The following ZCCHC2 variants were observed in gnomAD, a reference collection of about 807,000 sequenced individuals.
The protein encoded by ZCCHC2 is zinc finger CCHC-type containing 2.
A neutral mutation model predicts 103.6 loss-of-function variants in ZCCHC2; 39 were observed. That is an observed-to-expected ratio of 0.38 (90% CI 0.29 to 0.49). The LOEUF is 0.49. Among genes scored for constraint, ZCCHC2 ranks in the 20% least tolerant of loss-of-function variants. The probability of loss-of-function intolerance (pLI) is 0.96; values close to 1 mark genes in which losing one functional copy is unlikely to be tolerated. For synonymous variants in ZCCHC2, 687 were observed against 608.9 expected (o/e 1.13, Z -1.89); for missense variants, 1,483 against 1,491.0 (o/e 0.99, Z 0.09).
intron 12 of ZCCHC2, among the ~76,000 whole-genome samples, chr18:62,573,414 T>G (rs946728035): frequency 6.6e-6 from 1 of 152,200 alleles, no homozygotes; most frequent in Non-Finnish European, 1.5e-5. Context: ...ATTTGCTGTT[T>G]TGCTGTTTTG....
chr18:62,561,769 C>T (rs1370895485), intron 8 of ZCCHC2, among the ~76,000 whole-genome samples: 7 of 152,190 alleles, frequency 4.6e-5, no homozygotes, highest in Admixed American at 2.0e-4. Flanking sequence ...GAAGATAATA[C>T]GCATTTCCCT....
At chr18:62,542,609 G>C (rs368345440) in intron 3 of ZCCHC2, 35 bp downstream of exon 3, 1 of 1,518,496 alleles carries the variant, frequency 6.6e-7, no homozygotes, top group Admixed American at 2.0e-5. Context: ...TACCTCACGT[G>C]CTGTGCTCAA....
rs780540778 is a variant in ZCCHC2, at chr18:62,550,371, G to A, written c.1224G>A (p.Glu408=). 3.7e-6 allele frequency: 6 copies of A among 1,613,722 alleles called. 1 individual carries two copies. In the South Asian group the frequency reaches 6.6e-5, roughly 18 times the overall value. Residue 408 remains glutamate, a synonymous_variant, in exon 5 of 14, where the codon GAG becomes GAA. Transcript: ENST00000269499. ...AGCTTCCAAAGGAACTGTCTTCAGA[G>A]ACTTTTGACAAGACCATCTTAAGAG... ...LLKLPKELSS[E]TFDKTILRAL... is the part of the protein sequence containing the mutation.
At chr18:62,581,951 G>GGA (rs941143601), downstream of ZCCHC2, 3 of 158,508 alleles carry the variant, frequency 1.9e-5, no homozygotes, top group African/African-American at 7.2e-5. Flanking sequence ...GCCCCAGAGT[G>GGA]GAGAGTCACC....
At chr18:62,527,429 A>G (rs1914481417) in intron 1 of ZCCHC2, among the ~76,000 whole-genome samples, 1 of 152,192 alleles carries the variant, frequency 6.6e-6, no homozygotes, top group Non-Finnish European at 1.5e-5. Flanking sequence ...TTGCCGGTAG[A>G]ATATATACTT....
chr18:62,537,658 A>G (rs1914988037), intron 1 of ZCCHC2, among the ~76,000 whole-genome samples: 1 of 152,172 alleles, frequency 6.6e-6, no homozygotes, highest in South Asian at 2.1e-4. Flanking sequence ...GGATGTGTAC[A>G]CCATATTTTG....
intron 3 of ZCCHC2, among the ~76,000 whole-genome samples, chr18:62,544,592 G>T (rs2145500399): frequency 6.6e-6 from 1 of 152,218 alleles, no homozygotes; most frequent in South Asian, 2.1e-4. Flanking sequence ...ATTTTGAAAA[G>T]AGTTATTAGA....
At chr18:62,580,041 CTT>C (rs1195884159), downstream of ZCCHC2, among the ~76,000 whole-genome samples, 3 of 152,182 alleles carry the variant, frequency 2.0e-5, no homozygotes, top group Non-Finnish European at 4.4e-5. Flanking sequence ...TTCTGTTACT[CTT>C]TTACTTGTTT....
chr18:62,574,693 C>T lies in ZCCHC2; in HGVS notation c.2612C>T (p.Ser871Phe). The stretch of plus-strand genomic sequence containing the variant: ...GCTACCACGGACCCCATCACAAAAT[C>T]TGCATCCCAAGTGGTAGGACTCAAT... ...PVATTDPITK[S>F]ASQVVGLNQM... Residue 871 changes from serine to phenylalanine, a missense_variant, in exon 13 of 14, where the codon TCT becomes TTT. Around this residue, in one of 3 missense-constraint regions of ZCCHC2, gnomAD observed 884 missense variants for 907.5 expected, o/e 0.97. Coordinates refer to ENST00000269499, the MANE Select transcript of ZCCHC2 (RefSeq NM_017742.6). The T allele has an allele frequency of 6.2e-7, 1 of 1,614,004 alleles. No individual in the cohort carries two copies. The highest frequency in any genetic ancestry group is 8.5e-7 in the Non-Finnish European group (1 of 1,179,882).
exon 15 of ZCCHC2, chr18:62,584,535 C>T (rs758562373): frequency 4.6e-5 from 7 of 152,128 alleles, no homozygotes; most frequent in Non-Finnish European, 1.0e-4. Context: ...TGGTGGGGGA[C>T]GAGGACAGTG....
chr18:62,543,191 C>A (rs1915273106), intron 3 of ZCCHC2, among the ~76,000 whole-genome samples: 1 of 152,146 alleles, frequency 6.6e-6, no homozygotes, highest in African/African-American at 2.4e-5. Context: ...GGAACCATGC[C>A]ACGTTTTTGT....
At chr18:62,582,008 T>C (rs1414898390), downstream of ZCCHC2, 6 of 153,848 alleles carry the variant, frequency 3.9e-5, no homozygotes, top group African/African-American at 1.4e-4. Flanking sequence ...CAGCAGTGTG[T>C]GGTTGGGGAC....
In ZCCHC2 at chr18:62,563,120, G is replaced by A; in HGVS notation, c.1662G>A (p.Glu554=). 6.2e-7 allele frequency: 1 copy of A among 1,613,724 alleles called. No individual in the cohort carries two copies. Among genetic ancestry groups the A allele is most frequent in the Non-Finnish European group, 8.5e-7 (1 of 1,179,716 alleles). Residue 554 remains glutamate (E), a synonymous_variant, in exon 9 of 14, where the codon GAG becomes GAA. Transcript: ENST00000269499. ...GCTGTACCACCATTCAACACCCAGA[G>A]CACTGTGTGACCTCGGCTGACCAGG... ...KQSCTTIQHP[E]HCVTSADQHS... is the part of the protein sequence containing the mutation.
intron 11 of ZCCHC2, among the ~76,000 whole-genome samples, chr18:62,569,193 T>TTAA (rs1916491670): frequency 6.6e-6 from 1 of 152,212 alleles, no homozygotes; most frequent in African/African-American, 2.4e-5. Context: ...TTTAACAGTC[T>TTAA]TAACACTGTT....
chr18:62,575,126 T>G lies in ZCCHC2; in HGVS notation c.3045T>G (p.Cys1015Trp). 2 of 1,614,022 alleles carry G rather than the reference T, an allele frequency of 1.2e-6. No homozygotes were observed. The highest frequency in any genetic ancestry group is 1.3e-5 in the African/African-American group (1 of 75,048). Residue 1015 changes from cysteine (C) to tryptophan (W), a missense_variant, in exon 13 of 14, where the codon TGT becomes TGG. Cys to Trp is a radical substitution (Grantham distance 215). Transcript: ENST00000269499. ...QQMGSGPCGS[C>W]GRRCSCGTNG... is the part of the protein sequence containing the mutation. ...TGGGCTCAGGTCCTTGTGGTTCTTG[T>G]GGGCGAAGGTGCAGCTGTGGGACCA... is the stretch of plus-strand genomic sequence containing the variant.
At chr18:62,528,298 A>G (rs914893737) in intron 1 of ZCCHC2, among the ~76,000 whole-genome samples, 2 of 152,260 alleles carry the variant, frequency 1.3e-5, no homozygotes, top group African/African-American at 4.8e-5. Flanking sequence ...TAGTGAATTA[A>G]AAAGAAAACC....
At chr18:62,568,235 T>TA in intron 11 of ZCCHC2, among the ~76,000 whole-genome samples, 1 of 152,306 alleles carries the variant, frequency 6.6e-6, no homozygotes, top group Non-Finnish European at 1.5e-5. Context: ...TGGTTTATGT[T>TA]TTACTTTTTG....
Position 62,550,452 on chromosome 18 carries a change from C to A in ZCCHC2, c.1305C>A (p.Pro435=), listed in dbSNP as rs1411298693. Residue 435 remains proline, a synonymous_variant, in exon 5 of 14, where the codon CCC becomes CCA. Transcript: ENST00000269499. Reference sequence around the variant, plus strand: ...AACGGCGACATCCTGACCTAGAGCCCATCCTAAGGTAATGATTTACCTGAC... The same window carrying A: ...AACGGCGACATCCTGACCTAGAGCCAATCCTAAGGTAATGATTTACCTGAC... ...REERRHPDLE[P]ILRQLFSSSS... 1.2e-6 allele frequency: 2 copies of A among 1,612,410 alleles called. No homozygotes were observed. The highest frequency in any genetic ancestry group is 1.7e-4 in the Middle Eastern group (1 of 6,058).
In ZCCHC2 at chr18:62,523,578, G is replaced by T. The variant is rs1914165926; in HGVS notation, c.154G>T (p.Gly52Cys). ...RPPPPPPPPA[G>C]PSRGPLPPPP... ...CCCGCCGCCGCCGCCGCCGCCCGCG[G>T]GCCCGTCGCGGGGCCCTCTGCCGCC... The change falls in exon 1 of 14, where the codon GGC becomes TGC. Residue 52 changes from glycine (G) to cysteine (C), a missense_variant. By Grantham distance (159) the Gly-to-Cys change is radical. This residue lies in a region of ZCCHC2 where 568 missense variants were observed against 525.1 expected (regional missense o/e 1.08). Transcript: ENST00000269499. 12 of 962,012 alleles carry T rather than the reference G, an allele frequency of 1.2e-5. No individual in the cohort carries two copies. The highest frequency in any genetic ancestry group is 4.8e-5 in the South Asian group (1 of 20,992). 59.6% of individuals were successfully genotyped at this position (962,012 alleles called of 1,614,324 possible).
Sources: gnomAD v4.1 joint callset for allele counts (sites outside exome capture counted in the v4.1 genomes callset) on GRCh38, gnomAD v4.1.1 for gene constraint, gnomAD v4.1.1 regional missense constraint, MANE v1.5 for transcripts, NCBI Gene and HGNC (gene_info 2026-07-23, HGNC 2026-07-21) for gene names.